DAAM1: variants seen among roughly 807,000 people sequenced by gnomAD.
The protein encoded by DAAM1 is dishevelled associated activator of morphogenesis 1.
Under a neutral mutation model 130.0 loss-of-function variants are expected in DAAM1, and 52 were observed. The ratio of observed to expected loss-of-function variants is 0.40; its 90% CI spans 0.32 to 0.50. The LOEUF (loss-of-function observed/expected upper bound fraction) is 0.50, where lower values mean the gene tolerates loss of function less well. Among genes scored for constraint, DAAM1 ranks in the 20% least tolerant of loss-of-function variants. DAAM1 has a pLI of 0.61. For synonymous variants in DAAM1, 452 were observed against 444.5 expected, an observed-to-expected ratio of 1.02 and a Z score of -0.21; for missense variants, 1,134 against 1,303.8, an observed-to-expected ratio of 0.87 and a Z score of 2.01.
intron 2 of DAAM1, among the ~76,000 whole-genome samples, chr14:59,276,830 G>T (rs532699616): frequency 6.6e-6 from 1 of 152,188 alleles, no homozygotes; most frequent in Admixed American, 6.5e-5. Flanking sequence ...TACAAATAGC[G>T]AGTTGATTGG....
At chr14:59,275,181 T>G (rs1594793833) in intron 2 of DAAM1, among the ~76,000 whole-genome samples, 1 of 152,336 alleles carries the variant, frequency 6.6e-6, no homozygotes. Flanking sequence ...TCTGTCACTT[T>G]ACAGCTGGTG....
chr14:59,367,706 A>C, intron 24 of DAAM1, 107 bp downstream of exon 24: 1 of 1,413,196 alleles, frequency 7.1e-7, no homozygotes, highest in Non-Finnish European at 9.3e-7. Flanking sequence ...GGAAGGCTTC[A>C]ATGTACTCTC....
intron 1 of DAAM1, among the ~76,000 whole-genome samples, chr14:59,223,739 A>G (rs1170921498): frequency 1.3e-5 from 2 of 152,198 alleles, no homozygotes; most frequent in Non-Finnish European, 2.9e-5. Context: ...TAGTCATTGC[A>G]CTTTTTGATG....
rs535725069 is a variant in DAAM1 at position 59,222,561 on chromosome 14, C to T, written c.-38+33793C>T. Among the ~76,000 whole-genome samples, 279 of 152,264 alleles carry T rather than the reference C, an allele frequency of 1.8e-3. 1 individual carries two copies. The highest frequency in any genetic ancestry group is 6.3e-3 in the African/African-American group (260 of 41,542). ...CGAGTTGAAGTCTGTGTTGCTGAGC[C>T]CATGCCTAACCTCCATCCCTGCCAC... is the stretch of plus-strand genomic sequence containing the variant. On this transcript the variant is annotated intron_variant, in intron 1 of 24. Coordinates refer to ENST00000360909, the MANE Select transcript of DAAM1 (RefSeq NM_001270520.2).
At chr14:59,256,089 A>T (rs1470898952) in intron 1 of DAAM1, among the ~76,000 whole-genome samples, 1 of 152,204 alleles carries the variant, frequency 6.6e-6, no homozygotes, top group Non-Finnish European at 1.5e-5. Flanking sequence ...AGAAGTCCTG[A>T]TGGATCAATT....
At chr14:59,237,993 A>G (rs1032334203) in intron 1 of DAAM1, among the ~76,000 whole-genome samples, 9 of 152,228 alleles carry the variant, frequency 5.9e-5, no homozygotes, top group Non-Finnish European at 1.5e-5. Flanking sequence ...TTAGAGAGCA[A>G]TAGTAGAGGC....
At chr14:59,260,120 A>T (rs1882101981) in intron 1 of DAAM1, among the ~76,000 whole-genome samples, 1 of 152,222 alleles carries the variant, frequency 6.6e-6, no homozygotes, top group Non-Finnish European at 1.5e-5. Flanking sequence ...TTTATAACAG[A>T]TTGGATGAAA....
chr14:59,369,438 C>CA lies in DAAM1; in HGVS notation c.*580dup, dbSNP rs1214800736. On this transcript the variant is annotated 3_prime_UTR_variant, in exon 25 of 25. Transcript: ENST00000360909. ...AATTTCTGACATTGGTGTGGGGATACAGTCTGTAAATGTTTATTGAGAACA... is the reference window on the plus strand; with the variant it reads ...AATTTCTGACATTGGTGTGGGGATACAAGTCTGTAAATGTTTATTGAGAACA... The CA allele has an allele frequency of 1.3e-5, 2 of 152,602 alleles. No individual in the cohort carries two copies. The highest frequency in any genetic ancestry group is 2.9e-5 in the Non-Finnish European group (2 of 68,070). 9.5% of individuals were successfully genotyped at this position (152,602 alleles called of 1,614,324 possible).
At chr14:59,194,807 T>C (rs905065249) in intron 1 of DAAM1, among the ~76,000 whole-genome samples, 1 of 152,288 alleles carries the variant, frequency 6.6e-6, no homozygotes, top group Non-Finnish European at 1.5e-5. Flanking sequence ...ATTTCTATTC[T>C]TTTAAACCAT....
chr14:59,200,137 G>A (rs1017738531), intron 1 of DAAM1, among the ~76,000 whole-genome samples: 1 of 152,152 alleles, frequency 6.6e-6, no homozygotes, highest in African/African-American at 2.4e-5. Context: ...CCACAGCCTG[G>A]GAGGCCAGCC....
intron 15 of DAAM1, among the ~76,000 whole-genome samples, chr14:59,337,103 G>C (rs1239963928): frequency 6.6e-6 from 1 of 152,126 alleles, no homozygotes; most frequent in Non-Finnish European, 1.5e-5. Flanking sequence ...TTGAGGGTCA[G>C]ACAGTAAGAG....
At chr14:59,207,246 T>G (rs1048961953) in intron 1 of DAAM1, among the ~76,000 whole-genome samples, 1 of 152,216 alleles carries the variant, frequency 6.6e-6, no homozygotes, top group Non-Finnish European at 1.5e-5. Flanking sequence ...TGCTTATCTT[T>G]TCTATAGGCA....
At chr14:59,361,337 T>C (rs1191876039) in intron 22 of DAAM1, among the ~76,000 whole-genome samples, 2 of 152,288 alleles carry the variant, frequency 1.3e-5, no homozygotes, top group Admixed American at 1.3e-4. Flanking sequence ...TGACTCAGAA[T>C]CCTTGTCCTC....
At chr14:59,230,206 C>T (rs1222857265) in intron 1 of DAAM1, among the ~76,000 whole-genome samples, 1 of 152,078 alleles carries the variant, frequency 6.6e-6, no homozygotes, top group Non-Finnish European at 1.5e-5. Context: ...GAACTAGACT[C>T]CCAGTAGCCT....
At chr14:59,213,423 C>T (rs906486559) in intron 1 of DAAM1, among the ~76,000 whole-genome samples, 2 of 148,536 alleles carry the variant, frequency 1.3e-5, no homozygotes, top group Non-Finnish European at 3.0e-5. Flanking sequence ...TGATTAAATG[C>T]AATGCCCAGA....
intron 1 of DAAM1, among the ~76,000 whole-genome samples, chr14:59,219,781 C>T (rs1326821330): frequency 6.6e-6 from 1 of 152,166 alleles, no homozygotes; most frequent in Non-Finnish European, 1.5e-5. Context: ...TTCAGCCTTT[C>T]CTTATTTCTT....
intron 6 of DAAM1, among the ~76,000 whole-genome samples, chr14:59,323,728 G>C (rs1885104280): frequency 6.6e-6 from 1 of 152,104 alleles, no homozygotes; most frequent in South Asian, 2.1e-4. Flanking sequence ...GTGTAATCCT[G>C]TCTAAACGTA....
At chr14:59,363,008 GATTAA>G (rs1159003921) in intron 22 of DAAM1, 3 of 152,320 alleles carry the variant, frequency 2.0e-5, no homozygotes, top group Non-Finnish European at 2.9e-5. Flanking sequence ...ATCTGGCAAT[GATTAA>G]ATTAACCATT....
chr14:59,249,079 G>C (rs1020072113), intron 1 of DAAM1, among the ~76,000 whole-genome samples: 1 of 152,138 alleles, frequency 6.6e-6, no homozygotes, highest in Non-Finnish European at 1.5e-5. Flanking sequence ...GAGCCACCGC[G>C]CCTGGCCCAT....
Sources: gnomAD v4.1 joint callset for allele counts (sites outside exome capture counted in the v4.1 genomes callset) on GRCh38, gnomAD v4.1.1 for gene constraint, MANE v1.5 for transcripts, NCBI Gene and HGNC (gene_info 2026-07-23, HGNC 2026-07-21) for gene names.